The following ZDHHC20 variants were observed in gnomAD, a reference collection of about 807,000 sequenced individuals.
ZDHHC20 encodes the protein palmitoyltransferase ZDHHC20.
In ZDHHC20, 43 loss-of-function variants were observed where a neutral mutation model predicts 57.8. That is an observed-to-expected ratio of 0.74 (90% CI 0.58 to 0.96). The LOEUF is 0.96. Ranked by LOEUF, ZDHHC20 falls within the 40% of genes least tolerant of loss-of-function variation. The pLI is 0.00. For missense variants in ZDHHC20, 391 were observed against 441.1 expected (o/e 0.89, Z 1.02); for synonymous variants, 157 against 153.0 (o/e 1.03, Z -0.19).
Position 21,436,434 on chromosome 13 carries a change from C to G in ZDHHC20, c.119-10756G>C, listed in dbSNP as rs538367834. Among the ~76,000 whole-genome samples the G allele has an allele frequency of 2.0e-5, 3 of 152,314 alleles. No individual in the cohort carries two copies. In the East Asian group the frequency reaches 5.8e-4, roughly 29 times the overall value. On this transcript the variant is annotated intron_variant, in intron 1 of 12. Coordinates refer to ENST00000400590, the MANE Select transcript of ZDHHC20 (RefSeq NM_001330059.2). ...TGTGCTATTTTTCCAACACTTTGTG[C>G]TCACTTTGTGTCTCCGTGTCACATT...
chr13:21,387,549 A>G lies in ZDHHC20; in HGVS notation c.813T>C (p.Phe271=). Residue 271 remains phenylalanine, a synonymous_variant, in exon 9 of 13, where the codon TTT becomes TTC. Coordinates refer to ENST00000400590, the MANE Select transcript of ZDHHC20 (RefSeq NM_001330059.2). ...GTAGCCAATATTTCTTTTCATCACC[A>G]AAGACTTGTCTCCAATTTTTACTGC... ...LGCSKNWRQV[F]GDEKKYWLLP... 1 of 1,537,812 alleles carries G rather than the reference A, an allele frequency of 6.5e-7. No individual in the cohort carries two copies. The highest frequency in any genetic ancestry group is 8.8e-7 in the Non-Finnish European group (1 of 1,139,926).
chr13:21,381,686 A>G (rs1873446992), intron 10 of ZDHHC20, 137 bp from the exon 11 acceptor site: 3 of 630,294 alleles, frequency 4.8e-6, no homozygotes, highest in Non-Finnish European at 8.2e-6. Flanking sequence ...ACTCTGAAAA[A>G]ACTATCTTCA....
In ZDHHC20 at chr13:21,421,108, A is replaced by G; in HGVS notation, c.202T>C (p.Ser68Pro). The change falls in exon 3 of 13, where the codon TCC becomes CCC. Residue 68 changes from serine (S) to proline (P), a missense_variant. By Grantham distance (74) the Ser-to-Pro change is moderately conservative (BLOSUM62 -1). This residue lies in a region of ZDHHC20 where 185 missense variants were observed against 188.0 expected (regional missense o/e 0.98). Transcript: ENST00000400590. ...GATGTGAAAATTGTCATCCAATAGGACCATACAAACATAACAAAGAACAGA... is the reference window on the plus strand; with the variant it reads ...GATGTGAAAATTGTCATCCAATAGGGCCATACAAACATAACAAAGAACAGA... ...FHLFFVMFVW[S>P]YWMTIFTSPA... 6.2e-7 allele frequency: 1 copy of G among 1,613,366 alleles called. No individual in the cohort carries two copies. Among genetic ancestry groups the G allele is most frequent in the Non-Finnish European group, 8.5e-7 (1 of 1,179,732 alleles).
At chr13:21,400,208 T>C (rs1240775538) in intron 7 of ZDHHC20, among the ~76,000 whole-genome samples, 165 bp downstream of exon 7, 2 of 152,074 alleles carry the variant, frequency 1.3e-5, no homozygotes, top group Non-Finnish European at 2.9e-5. Context: ...TAAACATGTG[T>C]ATATGAAAGT....
At chr13:21,389,714 A>G (rs552068950) in intron 8 of ZDHHC20, among the ~76,000 whole-genome samples, 3 of 152,310 alleles carry the variant, frequency 2.0e-5, no homozygotes, top group African/African-American at 7.2e-5. Flanking sequence ...TCCACACCCT[A>G]TCTAAATCCA....
chr13:21,409,055 T>C (rs1005891966), intron 4 of ZDHHC20, among the ~76,000 whole-genome samples: 1 of 152,226 alleles, frequency 6.6e-6, no homozygotes, highest in African/African-American at 2.4e-5. Flanking sequence ...TCAGGGATAT[T>C]GGCCTGAAAT....
chr13:21,408,110 T>C (rs1878708978), intron 4 of ZDHHC20, among the ~76,000 whole-genome samples: 1 of 152,234 alleles, frequency 6.6e-6, no homozygotes, highest in Admixed American at 6.5e-5. Context: ...AGGCTCTTTT[T>C]TTGGTTCCAC....
chr13:21,434,106 CTG>C (rs1478105858), intron 1 of ZDHHC20, among the ~76,000 whole-genome samples: 1 of 142,630 alleles, frequency 7.0e-6, no homozygotes, highest in Non-Finnish European at 1.6e-5. Context: ...GTGTGTGTGT[CTG>C]TGTGTCTGTG....
At chr13:21,376,827 G>T (rs1223958778) in intron 12 of ZDHHC20, 172 bp from the exon 13 acceptor site, 1 of 399,236 alleles carries the variant, frequency 2.5e-6, no homozygotes, top group Non-Finnish European at 4.5e-6. Flanking sequence ...CAGTAAATGA[G>T]TGGGTATTAC....
intron 1 of ZDHHC20, among the ~76,000 whole-genome samples, chr13:21,447,535 T>C (rs1311734528): frequency 2.0e-5 from 3 of 147,076 alleles, no homozygotes; most frequent in Non-Finnish European, 4.5e-5. Flanking sequence ...CCGCCAGCCT[T>C]GGCCTCCCGA....
chr13:21,414,607 G>A (rs1003548955), intron 3 of ZDHHC20, among the ~76,000 whole-genome samples: 3 of 146,370 alleles, frequency 2.0e-5, no homozygotes, highest in Non-Finnish European at 3.0e-5. Flanking sequence ...TCCTGACCTC[G>A]TGATCTGCCC....
chr13:21,391,983 A>G lies in ZDHHC20; in HGVS notation c.595-129T>C, dbSNP rs1038678369. On this transcript the variant is annotated intron_variant, in intron 7 of 12. Transcript: ENST00000400590. ...TGAAAACTAATAAATTACTTAATAT[A>G]TCCCAATGCAACAAGGGCAAAAGCA... is the stretch of plus-strand genomic sequence containing the variant. The G allele has an allele frequency of 2.8e-6, 3 of 1,056,436 alleles. No individual in the cohort carries two copies. In the African/African-American group the frequency reaches 5.0e-5, roughly 17 times the overall value. The allele number at this position is 1,056,436 out of a possible 1,614,324, so 65.4% of individuals were successfully genotyped here. A position where few individuals can be genotyped will look rare whatever the true frequency, so the allele number is the denominator to read the frequency against.
At chr13:21,442,471 G>A (rs1017731158) in intron 1 of ZDHHC20, among the ~76,000 whole-genome samples, 5 of 152,032 alleles carry the variant, frequency 3.3e-5, no homozygotes, top group Admixed American at 6.6e-5. Context: ...AACTTTTGAC[G>A]TGGCCAGGCA....
In ZDHHC20 at chr13:21,427,392, G is replaced by A. The variant is rs139436330; in HGVS notation, c.119-1714C>T. ...AAAAGTCTGTTCAGACTACTGGTAA[G>A]GATGAAAACTTGATAATATACTGTG... is the stretch of plus-strand genomic sequence containing the variant. On this transcript the variant is annotated intron_variant, in intron 1 of 12. Coordinates refer to ENST00000400590, the MANE Select transcript of ZDHHC20 (RefSeq NM_001330059.2). Among the ~76,000 whole-genome samples the A allele has an allele frequency of 2.6e-4, 39 of 152,230 alleles. No homozygotes were observed. The East Asian group carries it at 7.3e-3, about 29-fold the overall frequency.
intron 7 of ZDHHC20, among the ~76,000 whole-genome samples, chr13:21,397,674 A>G (rs1360278142): frequency 6.6e-6 from 1 of 152,044 alleles, no homozygotes; most frequent in Non-Finnish European, 1.5e-5. Flanking sequence ...AAACAAAACA[A>G]CAACAAAAAA....
At chr13:21,383,403 C>G (rs939768853) in intron 9 of ZDHHC20, among the ~76,000 whole-genome samples, 2 of 152,318 alleles carry the variant, frequency 1.3e-5, no homozygotes, top group Admixed American at 6.5e-5. Context: ...TTCTCCTTGC[C>G]TTCCACTATG....
intron 7 of ZDHHC20, among the ~76,000 whole-genome samples, chr13:21,392,076 C>G (rs1875817598): frequency 6.6e-6 from 1 of 152,168 alleles, no homozygotes; most frequent in Middle Eastern, 3.4e-3. Context: ...AAATACTGCT[C>G]TTAAATTTTT....
intron 7 of ZDHHC20, among the ~76,000 whole-genome samples, chr13:21,392,192 C>T: frequency 7.1e-6 from 1 of 141,730 alleles, no homozygotes. Context: ...TCCTGGGCAA[C>T]ACAGTGAGAC....
At chr13:21,380,396 G>A (rs1218297565) in intron 11 of ZDHHC20, among the ~76,000 whole-genome samples, 3 of 151,966 alleles carry the variant, frequency 2.0e-5, no homozygotes, top group South Asian at 2.1e-4. Flanking sequence ...TTATAGGCGT[G>A]AGCCACCGTT....
Sources: gnomAD v4.1 joint callset for allele counts (sites outside exome capture counted in the v4.1 genomes callset) on GRCh38, gnomAD v4.1.1 for gene constraint, gnomAD v4.1.1 regional missense constraint, MANE v1.5 for transcripts, NCBI Gene and HGNC (gene_info 2026-07-23, HGNC 2026-07-21) for gene names.